FBXO34: variants seen among roughly 807,000 people sequenced by gnomAD.
The protein encoded by FBXO34 is F-box only protein 34.
FBXO34 carries 12 observed loss-of-function variants against 24.5 expected under a neutral mutation model. The observed-to-expected ratio is 0.49, with a 90% CI of 0.31 to 0.79. FBXO34 has a LOEUF of 0.79. Among genes scored for constraint, FBXO34 ranks in the 30% least tolerant of loss-of-function variants. The pLI, the probability that FBXO34 is intolerant of heterozygous loss-of-function variation, is 0.04. For missense variants in FBXO34, 823 were observed against 857.7 expected (o/e 0.96, Z 0.51); for synonymous variants, 320 against 311.9 (o/e 1.03, Z -0.27).
intron 1 of FBXO34, among the ~76,000 whole-genome samples, chr14:55,287,284 G>T (rs1881795054): frequency 6.6e-6 from 1 of 152,184 alleles, no homozygotes; most frequent in Admixed American, 6.5e-5. Flanking sequence ...AACAAAGTTT[G>T]TGTACATTGA....
At position 55,328,519 on chromosome 14, in the gene FBXO34, T is replaced by C. The variant is rs968165371; in HGVS notation, c.-10-21862T>C. 2.0e-5 allele frequency among the ~76,000 whole-genome samples: 3 copies of C among 152,322 alleles called. No individual in the cohort carries two copies. The East Asian group carries it at 5.8e-4, about 29-fold the overall frequency. ...GCCCTGGACAAAGGAATGATTCTCATCCTGCATGGGATGGAGCAGAGATTT... is the reference window on the plus strand; with the variant it reads ...GCCCTGGACAAAGGAATGATTCTCACCCTGCATGGGATGGAGCAGAGATTT... On this transcript the variant is annotated intron_variant, in intron 1 of 1. Transcript: ENST00000313833.
At chr14:55,323,604 A>G (rs537410801) in intron 1 of FBXO34, among the ~76,000 whole-genome samples, 1 of 152,042 alleles carries the variant, frequency 6.6e-6, no homozygotes, top group African/African-American at 2.4e-5. Context: ...GATGGTCTCA[A>G]TCTCCTGACG....
At chr14:55,439,930 C>CAAAAAA in the FBXO34 span, among the ~76,000 whole-genome samples, 4 of 39,180 alleles carry the variant, frequency 1.0e-4, no homozygotes, top group Non-Finnish European at 1.8e-4. Flanking sequence ...GACTCTGTCT[C>CAAAAAA]AAAAAAAAAA....
chr14:55,280,446 A>AT (rs1881494697), intron 1 of FBXO34, among the ~76,000 whole-genome samples: 1 of 152,104 alleles, frequency 6.6e-6, no homozygotes, highest in South Asian at 2.1e-4. Flanking sequence ...TAGGTATTTT[A>AT]AGTAATCTAG....
chr14:55,382,366 G>T, the FBXO34 span, among the ~76,000 whole-genome samples: 2 of 152,042 alleles, frequency 1.3e-5, no homozygotes, highest in Non-Finnish European at 2.9e-5. Flanking sequence ...AACATGGAGC[G>T]CAGTGACAGA....
At chr14:55,331,539 T>C (rs1281719743) in intron 1 of FBXO34, among the ~76,000 whole-genome samples, 1 of 130,554 alleles carries the variant, frequency 7.7e-6, no homozygotes, top group East Asian at 2.1e-4. Flanking sequence ...GAAAACTAAA[T>C]TGAGGCGTGA....
At chr14:55,425,309 A>G in the FBXO34 span, among the ~76,000 whole-genome samples, 2 of 152,124 alleles carry the variant, frequency 1.3e-5, no homozygotes, top group Admixed American at 6.5e-5. Flanking sequence ...CACTAGGGGG[A>G]GCCCTGAAAA....
the FBXO34 span, among the ~76,000 whole-genome samples, chr14:55,428,317 G>C: frequency 6.6e-6 from 1 of 151,716 alleles, no homozygotes; most frequent in African/African-American, 2.4e-5. Flanking sequence ...TTTTAGTAGA[G>C]ACAGGGTTTC....
the FBXO34 span, chr14:55,433,824 G>A: frequency 2.5e-5 from 24 of 970,372 alleles, 1 homozygote; most frequent in South Asian, 4.5e-4. Context: ...GATTGGATGG[G>A]AAAACTAAAT....
the FBXO34 span, among the ~76,000 whole-genome samples, chr14:55,393,258 G>A: frequency 5.3e-5 from 8 of 151,964 alleles, no homozygotes; most frequent in Admixed American, 2.0e-4. Flanking sequence ...GGTGGTGGGC[G>A]CCTGTAGTCC....
chr14:55,331,560 T>TATAC (rs150276600), intron 1 of FBXO34, among the ~76,000 whole-genome samples: 41,561 of 142,496 alleles, frequency 0.29, 6,402 homozygotes, highest in Non-Finnish European at 0.33. Context: ...TATATATATA[T>TATAC]ACACACACAC....
downstream of FBXO34, among the ~76,000 whole-genome samples, chr14:55,355,982 T>A (rs1884517163): frequency 1.3e-5 from 2 of 152,186 alleles, no homozygotes; most frequent in African/African-American, 4.8e-5. Context: ...ACTGCAGCTA[T>A]GTGGGGTTTG....
At chr14:55,283,359 T>C (rs1881626421) in intron 1 of FBXO34, among the ~76,000 whole-genome samples, 1 of 152,218 alleles carries the variant, frequency 6.6e-6, no homozygotes, top group Admixed American at 6.5e-5. Flanking sequence ...CGAGGTAGTA[T>C]GTTAAGTGTA....
intron 1 of FBXO34, among the ~76,000 whole-genome samples, chr14:55,328,996 TC>T (rs1883444292): frequency 6.6e-6 from 1 of 151,802 alleles, no homozygotes; most frequent in Non-Finnish European, 1.5e-5. Context: ...AGCAAACAGT[TC>T]CCATTTTACT....
Position 55,331,761 on chromosome 14 carries a change from GTA to G in FBXO34, c.-10-18603_-10-18602del, listed in dbSNP as rs35698574. Among the ~76,000 whole-genome samples, 18 of 29,996 alleles carry G rather than the reference GTA, an allele frequency of 6.0e-4. 4 individuals are homozygous for G. The highest frequency in any genetic ancestry group is 1.8e-3 in the South Asian group (2 of 1,140). 19.7% of individuals were successfully genotyped at this position (29,996 alleles called of 152,430 possible). On this transcript the variant is annotated intron_variant, in intron 1 of 1. Transcript: ENST00000313833. ...TATATGTGTGTATATATATATATATGTATATATATATATATATACCACCATGG... is the reference window on the plus strand; with the variant it reads ...TATATGTGTGTATATATATATATATGTATATATATATATATACCACCATGG...
At chr14:55,397,268 T>C in the FBXO34 span, 3 of 997,786 alleles carry the variant, frequency 3.0e-6, no homozygotes, top group Admixed American at 5.9e-5. Flanking sequence ...GTATCCTAAA[T>C]TCAGTAAGTT....
intron 1 of FBXO34, among the ~76,000 whole-genome samples, chr14:55,297,292 T>C (rs1291331991): frequency 5.3e-5 from 8 of 152,214 alleles, no homozygotes; most frequent in Non-Finnish European, 1.2e-4. Flanking sequence ...TTTTAACTCC[T>C]ATGTCAGTAT....
intron 1 of FBXO34, among the ~76,000 whole-genome samples, chr14:55,340,882 T>G (rs1883968081): frequency 6.6e-6 from 1 of 152,244 alleles, no homozygotes. Flanking sequence ...TTGAGTTACA[T>G]TTTGGTCAAA....
chr14:55,277,624 T>A (rs940408865), intron 1 of FBXO34, among the ~76,000 whole-genome samples: 3 of 152,192 alleles, frequency 2.0e-5, no homozygotes, highest in Non-Finnish European at 4.4e-5. Flanking sequence ...TCTGAGTAAC[T>A]GGCATGTACC....
Sources: gnomAD v4.1 joint callset for allele counts (sites outside exome capture counted in the v4.1 genomes callset) on GRCh38, gnomAD v4.1.1 for gene constraint, MANE v1.5 for transcripts, NCBI Gene and HGNC (gene_info 2026-07-23, HGNC 2026-07-21) for gene names.